TMEM51: variants seen among roughly 807,000 people sequenced by gnomAD.
TMEM51 encodes transmembrane protein 51.
A neutral mutation model predicts 13.6 loss-of-function variants in TMEM51; 8 were observed. The ratio of observed to expected loss-of-function variants is 0.59; its 90% CI spans 0.35 to 1.07. TMEM51 has a LOEUF of 1.07. TMEM51 is among the 50% of genes least tolerant of loss of function. The pLI is 0.02. For synonymous variants in TMEM51, 147 were observed against 144.4 expected, an observed-to-expected ratio of 1.02 and a Z score of -0.13; for missense variants, 279 against 330.7, an observed-to-expected ratio of 0.84 and a Z score of 1.21.
At chr1:15,187,548 C>T (rs969337206) in intron 1 of TMEM51, among the ~76,000 whole-genome samples, 1 of 152,214 alleles carries the variant, frequency 6.6e-6, no homozygotes, top group African/African-American at 2.4e-5. Context: ...CAATCCATCT[C>T]TGCTTCCTTT....
In TMEM51 at chr1:15,214,958, T is replaced by G; in HGVS notation, c.-130T>G. 2.2e-5 allele frequency: 19 copies of G among 880,666 alleles called. No individual in the cohort carries two copies. The highest frequency in any genetic ancestry group is 2.7e-5 in the Non-Finnish European group (16 of 590,766). The allele number at this position is 880,666 out of a possible 1,614,324, so 54.6% of individuals were successfully genotyped here. On this transcript the variant is annotated 5_prime_UTR_variant, in exon 3 of 4. Transcript: ENST00000376008. ...ATTGCTCGGAACCATCCCGCAGGAG[T>G]TCAGCTGATATTTTCTAGTGTGGGG...
intron 1 of TMEM51, among the ~76,000 whole-genome samples, chr1:15,170,955 C>G (rs1372864021): frequency 6.6e-6 from 1 of 152,050 alleles, no homozygotes; most frequent in Non-Finnish European, 1.5e-5. Context: ...GTCTCGATCT[C>G]CTGACCTCAT....
intron 1 of TMEM51, among the ~76,000 whole-genome samples, chr1:15,208,337 G>C (rs1481029630): frequency 6.6e-6 from 1 of 152,174 alleles, no homozygotes; most frequent in East Asian, 1.9e-4. Flanking sequence ...AAAGTAGTAA[G>C]ATAGCCAGGC....
intron 1 of TMEM51, among the ~76,000 whole-genome samples, chr1:15,179,861 T>G (rs939762945): frequency 6.6e-6 from 1 of 152,180 alleles, no homozygotes; most frequent in Non-Finnish European, 1.5e-5. Flanking sequence ...AAAGGTAGAC[T>G]GAAAGAAGGT....
intron 2 of TMEM51, 105 bp from the exon 3 acceptor site, chr1:15,214,790 G>A: frequency 2.7e-6 from 1 of 370,938 alleles, no homozygotes; most frequent in Non-Finnish European, 4.9e-6. Context: ...GAGCCGGCGT[G>A]CTCGGTGCTG....
At chr1:15,178,184 G>A (rs979692013) in intron 1 of TMEM51, among the ~76,000 whole-genome samples, 5 of 52,808 alleles carry the variant, frequency 9.5e-5, no homozygotes, top group African/African-American at 2.4e-4. Flanking sequence ...CTTGCTAGGT[G>A]AGCAGGGGTG....
chr1:15,207,433 C>G lies in TMEM51; in HGVS notation c.-266-3057C>G. Among the ~76,000 whole-genome samples, 1 of 152,252 alleles carries G rather than the reference C, an allele frequency of 6.6e-6. No homozygotes were observed. Among genetic ancestry groups the G allele is most frequent in the East Asian group, 1.9e-4 (1 of 5,200 alleles). On this transcript the variant is annotated intron_variant, in intron 1 of 3. Transcript: ENST00000376008. This position sits in a 1 kb window ranked among gnomAD's most constrained non-coding sequence, Gnocchi z 4.6. ...CCATCAATGCTTGGGCCCTTTACCC[C>G]GTTTCAGCCGGGGCAGCGCTGCTTT... is the stretch of plus-strand genomic sequence containing the variant.
At chr1:15,203,322 C>T (rs1393777185) in intron 1 of TMEM51, among the ~76,000 whole-genome samples, 3 of 152,108 alleles carry the variant, frequency 2.0e-5, no homozygotes, top group Non-Finnish European at 2.9e-5. Flanking sequence ...GGCGTGATCT[C>T]GGCTCACTTG....
In TMEM51 at chr1:15,176,066, C is replaced by G. The variant is rs111882457; in HGVS notation, c.-267+22112C>G. Among the ~76,000 whole-genome samples the G allele has an allele frequency of 3.3e-3, 495 of 152,294 alleles. 3 individuals are homozygous for G. The highest frequency in any genetic ancestry group is 0.011 in the African/African-American group (471 of 41,572). Reference sequence around the variant, plus strand: ...CCAGACATCTTGTGATAGGTTATCCCTTTACTTGTTTGTCTCTTTCAGGAA... The same window carrying G: ...CCAGACATCTTGTGATAGGTTATCCGTTTACTTGTTTGTCTCTTTCAGGAA... On this transcript the variant is annotated intron_variant, in intron 1 of 3. Transcript: ENST00000376008.
chr1:15,154,048 G>A (rs1189543543), intron 1 of TMEM51, 94 bp downstream of exon 1: 1 of 152,154 alleles, frequency 6.6e-6, no homozygotes, highest in East Asian at 1.9e-4. Context: ...GGCCCGTTTG[G>A]GTCTCCTGTC....
chr1:15,191,306 C>T (rs61399794), intron 1 of TMEM51, among the ~76,000 whole-genome samples: 28,943 of 152,192 alleles, frequency 0.19, 2,867 homozygotes, highest in African/African-American at 0.22. Flanking sequence ...GATTGTAGAC[C>T]TCTGACCTCC....
intron 1 of TMEM51, among the ~76,000 whole-genome samples, chr1:15,156,437 C>T (rs1642595625): frequency 6.6e-6 from 1 of 152,186 alleles, no homozygotes; most frequent in Non-Finnish European, 1.5e-5. Context: ...TTCTCTTCCC[C>T]CAGCCCCAAA....
chr1:15,191,984 T>C (rs1318965960), intron 1 of TMEM51: 2 of 533,496 alleles, frequency 3.7e-6, no homozygotes, highest in East Asian at 1.1e-4. Context: ...TCTACAACAG[T>C]CAGGTCATCC....
chr1:15,200,251 A>G (rs910792940), intron 1 of TMEM51, among the ~76,000 whole-genome samples: 3 of 151,918 alleles, frequency 2.0e-5, no homozygotes, highest in African/African-American at 7.3e-5. Context: ...CTCCATCTTT[A>G]CAAAAAAATG....
At chr1:15,152,632 A>G (rs144397086), upstream of TMEM51, 1 of 152,382 alleles carries the variant, frequency 6.6e-6, no homozygotes, top group East Asian at 1.9e-4. Flanking sequence ...AAAAAAATCT[A>G]AGGCTCAGAG....
intron 1 of TMEM51, among the ~76,000 whole-genome samples, chr1:15,201,034 C>T (rs904333624): frequency 1.3e-5 from 2 of 152,220 alleles, no homozygotes; most frequent in Admixed American, 6.5e-5. Context: ...AGGCTGTTTA[C>T]TTACCCAATA....
At chr1:15,154,561 A>T (rs1642521628) in intron 1 of TMEM51, among the ~76,000 whole-genome samples, 1 of 151,964 alleles carries the variant, frequency 6.6e-6, no homozygotes, top group Non-Finnish European at 1.5e-5. Flanking sequence ...GCGGCGGGGC[A>T]TTCATGCCCA....
chr1:15,200,461 G>A (rs1039461618), intron 1 of TMEM51, among the ~76,000 whole-genome samples: 12 of 150,694 alleles, frequency 8.0e-5, no homozygotes, highest in African/African-American at 2.2e-4. Flanking sequence ...GACACACACG[G>A]AGGGACAACC....
intron 1 of TMEM51, among the ~76,000 whole-genome samples, chr1:15,194,611 C>T (rs1039328508): frequency 6.6e-6 from 1 of 152,142 alleles, no homozygotes; most frequent in African/African-American, 2.4e-5. Flanking sequence ...GTCATTGTTA[C>T]TGGGCCCTAC....
Sources: allele counts gnomAD v4.1 joint callset (sites outside exome capture counted in the v4.1 genomes callset), GRCh38; gene constraint gnomAD v4.1.1; non-coding constraint Gnocchi (gnomAD v3.1); transcripts MANE v1.5; gene names NCBI Gene and HGNC (gene_info 2026-07-23, HGNC 2026-07-21).